Variants in BATF observed in about 807,000 individuals in gnomAD.
BATF encodes basic leucine zipper transcriptional factor ATF-like.
BATF carries 5 observed loss-of-function variants against 13.7 expected under a neutral mutation model. The observed-to-expected ratio is 0.36, with a 90% confidence interval of 0.19 to 0.77. BATF has a LOEUF of 0.77. BATF is among the 30% of genes least tolerant of loss of function. BATF has a pLI of 0.51. For synonymous variants in BATF, 72 were observed against 67.5 expected (o/e 1.07, Z -0.33); for missense variants, 124 against 163.0 (o/e 0.76, Z 1.30).
rs1000241022 is a variant in BATF, at chr14:75,546,499, G to T, written c.206G>T (p.Arg69Leu). The change falls in exon 3 of 3, where the codon CGC (arginine) becomes CTC (leucine). Residue 69 changes from arginine (R) to leucine (L), a missense_variant. Physicochemically the swap from Arg to Leu is moderately radical, Grantham distance 102 (BLOSUM62 -2). Transcript: ENST00000286639. ...EDLEKQNAALRKEIKQLTEEL... is the reference protein window; with the variant it reads ...EDLEKQNAALLKEIKQLTEEL... Reference sequence around the variant, plus strand: ...CTGGAGAAACAGAACGCGGCTCTACGCAAGGAGATCAAGCAGCTCACAGAG... The same window carrying T: ...CTGGAGAAACAGAACGCGGCTCTACTCAAGGAGATCAAGCAGCTCACAGAG... 1 of 1,614,138 alleles carries T rather than the reference G, an allele frequency of 6.2e-7. No individual in the cohort carries two copies.
chr14:75,543,942 G>A (rs2140043192), intron 2 of BATF, among the ~76,000 whole-genome samples: 1 of 152,072 alleles, frequency 6.6e-6, no homozygotes, highest in East Asian at 1.9e-4. Flanking sequence ...CCTATTTAGG[G>A]CAAATTTTAA....
intron 2 of BATF, among the ~76,000 whole-genome samples, chr14:75,533,362 A>G (rs1376229107): frequency 6.7e-6 from 1 of 150,122 alleles, no homozygotes; most frequent in East Asian, 2.0e-4. Context: ...TGGGAGGCGG[A>G]GCTTGCAGTG....
Position 75,546,743 on chromosome 14 carries a change from G to A in BATF, c.*72G>A. 1 of 1,457,642 alleles carries A rather than the reference G, an allele frequency of 6.9e-7. No homozygotes were observed. The highest frequency in any genetic ancestry group is 9.2e-7 in the Non-Finnish European group (1 of 1,091,836). 90.3% of individuals were successfully genotyped at this position (1,457,642 alleles called of 1,614,324 possible). A position where few individuals can be genotyped will look rare whatever the true frequency, so the allele number is the denominator to read the frequency against. On this transcript the variant is annotated 3_prime_UTR_variant, in exon 3 of 3. Coordinates refer to ENST00000286639, the MANE Select transcript of BATF (RefSeq NM_006399.5). The stretch of plus-strand genomic sequence containing the variant: ...GTGGCAGAGCTGCGCCCATCCCGCA[G>A]AGGCCCCTGTCCACCTGGAGACCCG...
chr14:75,538,340 C>G (rs530038000), intron 2 of BATF, among the ~76,000 whole-genome samples: 1 of 152,158 alleles, frequency 6.6e-6, no homozygotes. Flanking sequence ...AGTCTTGATG[C>G]CTGCAACCAC....
Position 75,546,649 on chromosome 14 carries a change from G to T in BATF, c.356G>T (p.Ser119Ile). 6.2e-7 allele frequency: 1 copy of T among 1,605,650 alleles called. No homozygotes were observed. The highest frequency in any genetic ancestry group is 8.5e-7 in the Non-Finnish European group (1 of 1,175,990). The change falls in exon 3 of 3, where the codon AGC becomes ATC. Residue 119 changes from serine (S) to isoleucine (I), a missense_variant. Ser to Ile is a moderately radical substitution (Grantham distance 142). This residue lies in a region of BATF where 59 missense variants were observed against 49.7 expected (regional missense o/e 1.19). Coordinates refer to ENST00000286639, the MANE Select transcript of BATF (RefSeq NM_006399.5). ...CACGCATTCCACCAACCTCATGTCA[G>T]CTCCCCGCGCTTCCAGCCCTGAGCT... Reference protein sequence around the residue: ...SAHAFHQPHVSSPRFQP With the variant: ...SAHAFHQPHVISPRFQP
chr14:75,544,411 A>G (rs762662059), intron 2 of BATF, among the ~76,000 whole-genome samples: 2 of 151,892 alleles, frequency 1.3e-5, no homozygotes, highest in Non-Finnish European at 2.9e-5. Flanking sequence ...CTAAAAATAC[A>G]AAAACTAGCC....
intron 2 of BATF, among the ~76,000 whole-genome samples, chr14:75,535,338 G>A (rs1331842874): frequency 6.6e-6 from 1 of 152,158 alleles, no homozygotes; most frequent in African/African-American, 2.4e-5. Flanking sequence ...TTGAGCCCAG[G>A]AGGTTGAGGC....
chr14:75,543,861 T>C (rs1314644016), intron 2 of BATF, among the ~76,000 whole-genome samples: 4 of 150,934 alleles, frequency 2.7e-5, no homozygotes, highest in African/African-American at 4.9e-5. Flanking sequence ...AAAAAACTGC[T>C]GGGCTCAAGC....
At chr14:75,543,525 C>A (rs1395825731) in intron 2 of BATF, among the ~76,000 whole-genome samples, 1 of 152,172 alleles carries the variant, frequency 6.6e-6, no homozygotes, top group Non-Finnish European at 1.5e-5. Flanking sequence ...CATTAGCCTA[C>A]AGCTCATGCA....
At chr14:75,538,875 T>C (rs936456983) in intron 2 of BATF, among the ~76,000 whole-genome samples, 3 of 152,242 alleles carry the variant, frequency 2.0e-5, no homozygotes, top group Non-Finnish European at 4.4e-5. Flanking sequence ...CACTCCAGCC[T>C]GGGCGACAGA....
At chr14:75,543,408 C>T (rs957211107) in intron 2 of BATF, among the ~76,000 whole-genome samples, 3 of 152,126 alleles carry the variant, frequency 2.0e-5, no homozygotes, top group Non-Finnish European at 4.4e-5. Flanking sequence ...GATGATGGAA[C>T]CTGGCTTGAT....
At chr14:75,537,601 A>C (rs2080254) in intron 2 of BATF, among the ~76,000 whole-genome samples, 19,478 of 152,220 alleles carry the variant, frequency 0.13, 1,326 homozygotes, top group African/African-American at 0.17. Flanking sequence ...GTTATAATTA[A>C]TGAAACACGA....
intron 2 of BATF, among the ~76,000 whole-genome samples, chr14:75,541,653 T>C (rs184003994): frequency 6.6e-6 from 1 of 152,238 alleles, no homozygotes; most frequent in African/African-American, 2.4e-5. Context: ...CAAGGACTTA[T>C]TTTTTTGTTT....
chr14:75,537,561 T>C (rs1276579861), intron 2 of BATF, among the ~76,000 whole-genome samples: 3 of 152,182 alleles, frequency 2.0e-5, no homozygotes, highest in African/African-American at 7.2e-5. Flanking sequence ...AGCTCAACAA[T>C]GTAAATGGTA....
At chr14:75,541,944 G>A (rs988017316) in intron 2 of BATF, among the ~76,000 whole-genome samples, 3 of 151,918 alleles carry the variant, frequency 2.0e-5, no homozygotes, top group South Asian at 2.1e-4. Context: ...GATTACAGGC[G>A]TGAGCCACAG....
intron 2 of BATF, among the ~76,000 whole-genome samples, chr14:75,541,801 C>T (rs1887900356): frequency 6.6e-6 from 1 of 152,144 alleles, no homozygotes; most frequent in Admixed American, 6.5e-5. Context: ...GTTGCTGGGA[C>T]TACAGGCATG....
intron 2 of BATF, among the ~76,000 whole-genome samples, chr14:75,545,454 C>T (rs1283593302): frequency 7.1e-6 from 1 of 140,214 alleles, no homozygotes; most frequent in Non-Finnish European, 1.5e-5. Flanking sequence ...AGGCTGGTCT[C>T]GAACTCCTGA....
intron 2 of BATF, among the ~76,000 whole-genome samples, chr14:75,527,168 C>A (rs1887665838): frequency 6.6e-6 from 1 of 151,940 alleles, no homozygotes; most frequent in Non-Finnish European, 1.5e-5. Context: ...CAACACAATG[C>A]CTGTCATTCA....
chr14:75,539,140 G>A (rs570306111), intron 2 of BATF, among the ~76,000 whole-genome samples: 1 of 152,330 alleles, frequency 6.6e-6, no homozygotes, highest in East Asian at 1.9e-4. Flanking sequence ...CAAAAGTGGA[G>A]AGACCAGGCT....
Sources: gnomAD v4.1 joint callset for allele counts (sites outside exome capture counted in the v4.1 genomes callset) on GRCh38, gnomAD v4.1.1 for gene constraint, gnomAD v4.1.1 regional missense constraint, MANE v1.5 for transcripts, NCBI Gene and HGNC (gene_info 2026-07-23, HGNC 2026-07-21) for gene names.